GABRA2: variants seen among roughly 807,000 people sequenced by gnomAD.
The protein encoded by GABRA2 is gamma-aminobutyric acid type A receptor subunit alpha2.
Under a neutral mutation model 48.7 loss-of-function variants are expected in GABRA2, and 16 were observed. That is an observed-to-expected ratio of 0.33 (90% CI 0.22 to 0.50). The LOEUF (loss-of-function observed/expected upper bound fraction) is 0.50. GABRA2 is among the 20% of genes least tolerant of loss of function. The probability of loss-of-function intolerance (pLI) is 0.98; values close to 1 mark genes in which losing one functional copy is unlikely to be tolerated. For synonymous variants in GABRA2, 185 were observed against 184.5 expected (o/e 1.00, Z -0.02); for missense variants, 275 against 535.6 (o/e 0.51, Z 4.80).
intron 7 of GABRA2, among the ~76,000 whole-genome samples, chr4:46,305,346 T>C (rs1382258928): frequency 1.3e-5 from 2 of 151,234 alleles, no homozygotes; most frequent in African/African-American, 2.4e-5. Context: ...CACACCAACA[T>C]GGCACATGTA....
In GABRA2 at chr4:46,321,375, A is replaced by C. The variant is rs578098533; in HGVS notation, c.256-8659T>G. 7.9e-5 allele frequency among the ~76,000 whole-genome samples: 12 copies of C among 152,142 alleles called. No homozygotes were observed. In the South Asian group the frequency reaches 2.5e-3, roughly 32 times the overall value. On this transcript the variant is annotated intron_variant, in intron 4 of 9. Coordinates refer to ENST00000381620, the MANE Select transcript of GABRA2 (RefSeq NM_000807.4). ...AAATGTAAGTGCTCTTACTGGAAAAAAAGTAAACTATGCAAGATGATGGAT... is the reference window on the plus strand; with the variant it reads ...AAATGTAAGTGCTCTTACTGGAAAACAAGTAAACTATGCAAGATGATGGAT...
At chr4:46,258,206 C>T (rs994829234) in intron 9 of GABRA2, among the ~76,000 whole-genome samples, 1 of 151,616 alleles carries the variant, frequency 6.6e-6, no homozygotes, top group African/African-American at 2.4e-5. Context: ...TACTGAGCAC[C>T]TAATACATGT....
At position 46,249,643 on chromosome 4, in the gene GABRA2, A is replaced by G. The variant is rs1345520168; in HGVS notation, c.*665T>C. On this transcript the variant is annotated 3_prime_UTR_variant, in exon 10 of 10. Transcript: ENST00000381620. ...CTTTCAAATAAACTCTGAAGCTAAA[A>G]ATGTAATGACCATGACATTCCAATA... 1 of 151,534 alleles carries G rather than the reference A, an allele frequency of 6.6e-6. No homozygotes were observed. Among genetic ancestry groups the G allele is most frequent in the African/African-American group, 2.4e-5 (1 of 41,366 alleles). The allele number at this position is 151,534 out of a possible 1,614,324, so 9.4% of individuals were successfully genotyped here.
chr4:46,380,957 G>C (rs1578235751), intron 3 of GABRA2, among the ~76,000 whole-genome samples: 1 of 152,288 alleles, frequency 6.6e-6, no homozygotes, highest in African/African-American at 2.4e-5. Context: ...CAGACCTCAA[G>C]TTTTTCATGA....
chr4:46,251,496 T>C (rs1388070005), intron 9 of GABRA2, among the ~76,000 whole-genome samples: 4 of 151,454 alleles, frequency 2.6e-5, no homozygotes, highest in Non-Finnish European at 5.9e-5. Flanking sequence ...GCCACGCTTT[T>C]AGCCATGATA....
chr4:46,345,886 C>T (rs1345862757), intron 3 of GABRA2, among the ~76,000 whole-genome samples: 2 of 151,942 alleles, frequency 1.3e-5, no homozygotes, highest in Non-Finnish European at 2.9e-5. Context: ...GTCTTCATCC[C>T]TGTAATTTAG....
rs1344653359 is a variant in GABRA2, at chr4:46,245,590, T to C, written c.*4718A>G. ...GTGTGCAAGTTAATTGCTAGTTTAA[T>C]AAGAGCTGAATTTGTGATAAGATCC... On this transcript the variant is annotated 3_prime_UTR_variant, in exon 10 of 10. Coordinates refer to ENST00000381620, the MANE Select transcript of GABRA2 (RefSeq NM_000807.4). Among the ~76,000 whole-genome samples, 3 of 151,378 alleles carry C rather than the reference T, an allele frequency of 2.0e-5. No individual in the cohort carries two copies. Among genetic ancestry groups the C allele is most frequent in the African/African-American group, 7.3e-5 (3 of 41,368 alleles).
rs373381244 is a variant in GABRA2 at position 46,295,731 on chromosome 4, T to A, written c.856+7729A>T. On this transcript the variant is annotated intron_variant, in intron 8 of 9. Coordinates refer to ENST00000381620, the MANE Select transcript of GABRA2 (RefSeq NM_000807.4). Reference sequence around the variant, plus strand: ...GATGTGGCACCATTCCTCGGGGTGATCAGCCCACCTACCTGGTGGCAGTTT... The same window carrying A: ...GATGTGGCACCATTCCTCGGGGTGAACAGCCCACCTACCTGGTGGCAGTTT... 3.5e-4 allele frequency among the ~76,000 whole-genome samples: 54 copies of A among 152,320 alleles called. No individual in the cohort carries two copies. In the Middle Eastern group the frequency reaches 0.014, roughly 38 times the overall value.
At chr4:46,323,874 G>T (rs1209360030) in intron 4 of GABRA2, among the ~76,000 whole-genome samples, 1 of 151,806 alleles carries the variant, frequency 6.6e-6, no homozygotes, top group Non-Finnish European at 1.5e-5. Context: ...TCTCCATTTG[G>T]CAAAGGAGGA....
At chr4:46,350,292 T>C (rs1734903707) in intron 3 of GABRA2, among the ~76,000 whole-genome samples, 1 of 151,952 alleles carries the variant, frequency 6.6e-6, no homozygotes, top group Non-Finnish European at 1.5e-5. Flanking sequence ...GTATATGTAC[T>C]ACACAGTCTT....
intron 3 of GABRA2, among the ~76,000 whole-genome samples, chr4:46,345,364 G>A (rs1350626215): frequency 6.6e-6 from 1 of 151,796 alleles, no homozygotes; most frequent in East Asian, 1.9e-4. Context: ...ATATTCCCTT[G>A]ACAATCACAA....
chr4:46,301,317 G>C (rs996845703), intron 8 of GABRA2, among the ~76,000 whole-genome samples: 1 of 152,036 alleles, frequency 6.6e-6, no homozygotes, highest in Non-Finnish European at 1.5e-5. Context: ...TCAACAAAAT[G>C]GTTTTGAAAA....
chr4:46,292,088 G>C (rs1042382589), intron 8 of GABRA2, among the ~76,000 whole-genome samples: 4 of 152,096 alleles, frequency 2.6e-5, no homozygotes, highest in African/African-American at 9.7e-5. Context: ...TGGCTAGAGA[G>C]AGGCAAGGAC....
At chr4:46,290,228 T>A (rs1324301798) in intron 8 of GABRA2, among the ~76,000 whole-genome samples, 1 of 151,944 alleles carries the variant, frequency 6.6e-6, no homozygotes, top group African/African-American at 2.4e-5. Context: ...TTGTCTTAAA[T>A]TTTCAATGTT....
chr4:46,310,026 G>A (rs1171697551), intron 6 of GABRA2, 147 bp downstream of exon 6: 3 of 568,704 alleles, frequency 5.3e-6, no homozygotes, highest in Admixed American at 5.7e-5. Flanking sequence ...GTTCCTTAAG[G>A]ACAATTAGCA....
At chr4:46,358,345 CT>C (rs1277813459) in intron 3 of GABRA2, among the ~76,000 whole-genome samples, 1 of 152,146 alleles carries the variant, frequency 6.6e-6, no homozygotes, top group East Asian at 1.9e-4. Flanking sequence ...GTTATTTAAC[CT>C]GCTATACTGT....
chr4:46,368,373 AT>A (rs1714376494), intron 3 of GABRA2: 1 of 152,086 alleles, frequency 6.6e-6, no homozygotes, highest in Non-Finnish European at 1.5e-5. Flanking sequence ...TACCATACAC[AT>A]TTCTTTTTCC....
At chr4:46,273,217 T>C (rs928993214) in intron 8 of GABRA2, among the ~76,000 whole-genome samples, 1 of 151,976 alleles carries the variant, frequency 6.6e-6, no homozygotes, top group Non-Finnish European at 1.5e-5. Context: ...GAATGTGATA[T>C]GACTAGGCGT....
At chr4:46,387,887 G>A (rs1362924616) in intron 2 of GABRA2, among the ~76,000 whole-genome samples, 1 of 151,974 alleles carries the variant, frequency 6.6e-6, no homozygotes, top group African/African-American at 2.4e-5. Flanking sequence ...GGTATTTTGA[G>A]AATCATATCC....
Sources: gnomAD v4.1 joint callset for allele counts (sites outside exome capture counted in the v4.1 genomes callset) on GRCh38, gnomAD v4.1.1 for gene constraint, MANE v1.5 for transcripts, NCBI Gene and HGNC (gene_info 2026-07-23, HGNC 2026-07-21) for gene names.